Variants in ADGRB3 observed in about 807,000 individuals in gnomAD.
ADGRB3 encodes the protein adhesion G protein-coupled receptor B3.
Under a neutral mutation model 193.4 loss-of-function variants are expected in ADGRB3, and 37 were observed. The observed-to-expected ratio is 0.19, with a 90% CI of 0.15 to 0.25. The LOEUF (loss-of-function observed/expected upper bound fraction) is 0.25. Ranked by LOEUF, ADGRB3 falls within the 10% of genes least tolerant of loss-of-function variation. The pLI is 1.00. For synonymous variants in ADGRB3, 690 were observed against 644.2 expected (o/e 1.07, Z -1.08); for missense variants, 1,637 against 1,852.9 (o/e 0.88, Z 2.14).
At chr6:69,104,670 A>G (rs1773160767) in intron 17 of ADGRB3, among the ~76,000 whole-genome samples, 1 of 152,144 alleles carries the variant, frequency 6.6e-6, no homozygotes, top group South Asian at 2.1e-4. Flanking sequence ...CTTTTGTGGT[A>G]AGAAAACAAA....
intron 3 of ADGRB3, among the ~76,000 whole-genome samples, chr6:68,826,239 A>AT (rs1445465441): frequency 6.6e-6 from 1 of 152,204 alleles, no homozygotes; most frequent in African/African-American, 2.4e-5. Flanking sequence ...CTACAGGGGA[A>AT]TAAATAAGGA....
At chr6:69,203,707 T>A (rs1184622353) in intron 17 of ADGRB3, among the ~76,000 whole-genome samples, 1 of 152,170 alleles carries the variant, frequency 6.6e-6, no homozygotes, top group Non-Finnish European at 1.5e-5. Flanking sequence ...CTCTCATGTA[T>A]CATTACATCT....
At chr6:68,674,450 G>A (rs1381636835) in intron 3 of ADGRB3, among the ~76,000 whole-genome samples, 1 of 152,092 alleles carries the variant, frequency 6.6e-6, no homozygotes, top group Non-Finnish European at 1.5e-5. Context: ...TGTCACAGGG[G>A]AAATTCAAAT....
chr6:69,141,024 A>T (rs1774321686), intron 17 of ADGRB3, among the ~76,000 whole-genome samples: 1 of 152,108 alleles, frequency 6.6e-6, no homozygotes, highest in Admixed American at 6.6e-5. Context: ...CAAATAAGTA[A>T]AATATACAAT....
chr6:69,091,746 T>C (rs1772716223), intron 17 of ADGRB3, among the ~76,000 whole-genome samples: 1 of 152,094 alleles, frequency 6.6e-6, no homozygotes, highest in Non-Finnish European at 1.5e-5. Context: ...GATACAAATT[T>C]ACCTAATTAA....
At chr6:68,749,822 C>T (rs1358399442) in intron 3 of ADGRB3, among the ~76,000 whole-genome samples, 7 of 152,096 alleles carry the variant, frequency 4.6e-5, no homozygotes, top group South Asian at 2.1e-4. Context: ...AATTCTTATA[C>T]GTCAATAAGT....
chr6:69,305,198 T>G (rs1768038890), intron 20 of ADGRB3, among the ~76,000 whole-genome samples: 1 of 151,582 alleles, frequency 6.6e-6, no homozygotes, highest in African/African-American at 2.4e-5. Flanking sequence ...GGAATTTTAT[T>G]ATTGAAAATG....
intron 20 of ADGRB3, among the ~76,000 whole-genome samples, chr6:69,240,277 T>G (rs1766356607): frequency 6.6e-6 from 1 of 152,036 alleles, no homozygotes; most frequent in Non-Finnish European, 1.5e-5. Flanking sequence ...TGGCCCACAT[T>G]GCCCTAGGCC....
chr6:69,079,816 C>T, intron 17 of ADGRB3, among the ~76,000 whole-genome samples: 1 of 151,996 alleles, frequency 6.6e-6, no homozygotes, highest in East Asian at 1.9e-4. Context: ...TGTAACCATC[C>T]ATCTAATACT....
chr6:69,129,600 A>G (rs1270369597), intron 17 of ADGRB3, among the ~76,000 whole-genome samples: 1 of 152,120 alleles, frequency 6.6e-6, no homozygotes, highest in Admixed American at 6.5e-5. Context: ...TATAAAATTA[A>G]AACGTTTCAT....
At chr6:69,383,305 GT>G (rs997236932) in intron 31 of ADGRB3, among the ~76,000 whole-genome samples, 2 of 151,894 alleles carry the variant, frequency 1.3e-5, no homozygotes, top group Admixed American at 6.6e-5. Flanking sequence ...AAATGTAATT[GT>G]TTTATGTATA....
chr6:69,060,246 C>T (rs901707277), intron 15 of ADGRB3, among the ~76,000 whole-genome samples: 1 of 151,210 alleles, frequency 6.6e-6, no homozygotes, highest in Non-Finnish European at 1.5e-5. Context: ...CTCTCTCTCT[C>T]TCTCCTCCTC....
At chr6:69,297,781 A>G (rs1311695034) in intron 20 of ADGRB3, among the ~76,000 whole-genome samples, 1 of 152,088 alleles carries the variant, frequency 6.6e-6, no homozygotes, top group Non-Finnish European at 1.5e-5. Flanking sequence ...AATTTTGATT[A>G]TGATACATGT....
At chr6:68,835,381 T>A (rs1768026318) in intron 3 of ADGRB3, among the ~76,000 whole-genome samples, 1 of 152,150 alleles carries the variant, frequency 6.6e-6, no homozygotes, top group South Asian at 2.1e-4. Flanking sequence ...AGACAAAATA[T>A]ATGCAAATGA....
Position 68,704,176 on chromosome 6 carries a change from A to C in ADGRB3, c.757+64744A>C, listed in dbSNP as rs190434988. On this transcript the variant is annotated intron_variant, in intron 3 of 31. Transcript: ENST00000370598. The stretch of plus-strand genomic sequence containing the variant: ...TGAAGGTTGTCCAAATTTATTATAA[A>C]ATATGAGAAAGAAAACTGGACTATT... Among the ~76,000 whole-genome samples the C allele has an allele frequency of 1.2e-3, 185 of 152,324 alleles. 1 individual carries two copies. Among genetic ancestry groups the C allele is most frequent in the African/African-American group, 4.3e-3 (178 of 41,566 alleles).
chr6:68,639,416 G>A lies in ADGRB3; in HGVS notation c.741G>A (p.Lys247=), dbSNP rs1379823336. 6.2e-7 allele frequency: 1 copy of A among 1,608,780 alleles called. No individual in the cohort carries two copies. Among genetic ancestry groups the A allele is most frequent in the African/African-American group, 1.3e-5 (1 of 74,902 alleles). The part of the protein sequence containing the change: ...TQVCNLTREA[K]RPPKEEFGMM... ...TCTGCAATCTTACCAGGGAGGCCAAGCGACCACCCAAAGAAGGTAAGTGCC... is the reference window on the plus strand; with the variant it reads ...TCTGCAATCTTACCAGGGAGGCCAAACGACCACCCAAAGAAGGTAAGTGCC... The change falls in exon 3 of 32, where the codon AAG becomes AAA. Residue 247 remains lysine, a synonymous_variant. Coordinates refer to ENST00000370598, the MANE Select transcript of ADGRB3 (RefSeq NM_001704.3).
intron 3 of ADGRB3, among the ~76,000 whole-genome samples, chr6:68,742,392 G>A (rs1472515610): frequency 6.6e-6 from 1 of 150,422 alleles, no homozygotes; most frequent in Non-Finnish European, 1.5e-5. Flanking sequence ...TTCTTTCTCT[G>A]GGTCTTGACT....
At chr6:69,160,373 T>C (rs188109039) in intron 17 of ADGRB3, among the ~76,000 whole-genome samples, 56 of 152,186 alleles carry the variant, frequency 3.7e-4, no homozygotes, top group African/African-American at 1.3e-3. Context: ...ACATGTCTCT[T>C]GGATATTCCT....
intron 13 of ADGRB3, among the ~76,000 whole-genome samples, chr6:69,041,984 C>T (rs1158725995): frequency 2.6e-5 from 4 of 152,132 alleles, no homozygotes; most frequent in Non-Finnish European, 5.9e-5. Flanking sequence ...CCCCATGTGT[C>T]CTGGGAGGGG....
Sources: gnomAD v4.1 joint callset for allele counts (sites outside exome capture counted in the v4.1 genomes callset) on GRCh38, gnomAD v4.1.1 for gene constraint, MANE v1.5 for transcripts, NCBI Gene and HGNC (gene_info 2026-07-23, HGNC 2026-07-21) for gene names.